The following EPB41L2 variants were observed in gnomAD, a reference collection of about 807,000 sequenced individuals.
EPB41L2 encodes the protein band 4.1-like protein 2.
EPB41L2 carries 43 observed loss-of-function variants against 113.0 expected under a neutral mutation model. The ratio of observed to expected loss-of-function variants is 0.38; its 90% CI spans 0.30 to 0.49. The LOEUF is 0.49. EPB41L2 is among the 20% of genes least tolerant of loss of function. The pLI, the probability that EPB41L2 is intolerant of heterozygous loss-of-function variation, is 0.95. For synonymous variants in EPB41L2, 442 were observed against 436.7 expected (o/e 1.01, Z -0.15); for missense variants, 1,147 against 1,223.4 (o/e 0.94, Z 0.93).
chr6:130,890,312 A>G lies in EPB41L2; in HGVS notation c.1642T>C (p.Ser548Pro). The G allele has an allele frequency of 6.2e-7, 1 of 1,611,290 alleles. No homozygotes were observed. Among genetic ancestry groups the G allele is most frequent in the Non-Finnish European group, 8.5e-7 (1 of 1,178,982 alleles). Residue 548 changes from serine (S) to proline (P), a missense_variant, in exon 11 of 20, where the codon TCC becomes CCC. Ser to Pro is a moderately conservative substitution (Grantham distance 74). Coordinates refer to ENST00000337057, the MANE Select transcript of EPB41L2 (RefSeq NM_001431.4). ...TGTTTACCTCCATCTAGACTCCTGG[A>G]GACCCGTTTACTAGAAGTGCGCTCA... ...HFERTSSKRVSRSLDGAPIGV... is the reference protein window; with the variant it reads ...HFERTSSKRVPRSLDGAPIGV...
chr6:131,038,985 T>G (rs1793906017), intron 1 of EPB41L2, among the ~76,000 whole-genome samples: 1 of 152,208 alleles, frequency 6.6e-6, no homozygotes, highest in South Asian at 2.1e-4. Flanking sequence ...AACATTTTTT[T>G]TTAAGTGTCA....
intron 1 of EPB41L2, among the ~76,000 whole-genome samples, chr6:131,050,662 G>C (rs970695452): frequency 6.6e-6 from 1 of 152,120 alleles, no homozygotes; most frequent in African/African-American, 2.4e-5. Context: ...CCCTAATTAT[G>C]TCCCACCTAG....
At chr6:130,975,519 TAA>T (rs1460746175) in intron 1 of EPB41L2, among the ~76,000 whole-genome samples, 1 of 152,134 alleles carries the variant, frequency 6.6e-6, no homozygotes, top group East Asian at 1.9e-4. Flanking sequence ...TCAAAAACCT[TAA>T]GAGACACAAA....
At chr6:130,888,665 T>G (rs1046097952) in intron 11 of EPB41L2, among the ~76,000 whole-genome samples, 1 of 152,208 alleles carries the variant, frequency 6.6e-6, no homozygotes, top group African/African-American at 2.4e-5. Flanking sequence ...GGCACTTGTA[T>G]AAATTCTCTG....
intron 1 of EPB41L2, among the ~76,000 whole-genome samples, chr6:130,975,168 C>A (rs1777927880): frequency 6.6e-6 from 1 of 152,046 alleles, no homozygotes; most frequent in South Asian, 2.1e-4. Context: ...CTACAAATGT[C>A]TTAATATTCA....
intron 4 of EPB41L2, among the ~76,000 whole-genome samples, chr6:130,910,017 AG>A (rs1445690366): frequency 2.6e-5 from 4 of 152,214 alleles, no homozygotes; most frequent in African/African-American, 9.6e-5. Context: ...TCACAGAATT[AG>A]AAAAAACTAC....
At chr6:131,009,266 T>C (rs184372920) in intron 1 of EPB41L2, among the ~76,000 whole-genome samples, 46 of 152,292 alleles carry the variant, frequency 3.0e-4, no homozygotes, top group Middle Eastern at 6.8e-3. Flanking sequence ...ACTCATTCAC[T>C]CTCCTGCTGC....
chr6:130,925,089 T>C (rs1583505567), intron 4 of EPB41L2, among the ~76,000 whole-genome samples: 1 of 151,816 alleles, frequency 6.6e-6, no homozygotes, highest in Non-Finnish European at 1.5e-5. Flanking sequence ...TTGAGAGTTG[T>C]CAAAATAAAA....
intron 3 of EPB41L2, among the ~76,000 whole-genome samples, chr6:130,938,944 A>G (rs1809839063): frequency 6.6e-6 from 1 of 152,180 alleles, no homozygotes; most frequent in Non-Finnish European, 1.5e-5. Flanking sequence ...CATTTTTTGT[A>G]TTATAATACT....
intron 1 of EPB41L2, among the ~76,000 whole-genome samples, chr6:131,022,556 C>T (rs2151068): frequency 0.15 from 22,825 of 152,162 alleles, 2,341 homozygotes; most frequent in East Asian, 0.43. Flanking sequence ...TATCTGCTGT[C>T]CAAGTCATTT....
chr6:130,960,471 G>A (rs888620941), intron 1 of EPB41L2, among the ~76,000 whole-genome samples: 11 of 152,104 alleles, frequency 7.2e-5, no homozygotes, highest in Admixed American at 3.9e-4. Context: ...GAAGAGCACC[G>A]ACAAAACCAT....
At chr6:130,891,800 G>A (rs4897471) in intron 10 of EPB41L2, among the ~76,000 whole-genome samples, 63,065 of 151,942 alleles carry the variant, frequency 0.42, 15,462 homozygotes, top group Non-Finnish European at 0.52. Flanking sequence ...CTAGCTGATT[G>A]GCTATCAATT....
intron 19 of EPB41L2, among the ~76,000 whole-genome samples, chr6:130,844,220 A>G (rs73631092): frequency 0.011 from 1,737 of 152,342 alleles, 46 homozygotes; most frequent in African/African-American, 0.039. Context: ...TGAACATTCA[A>G]TTACCACAGA....
At chr6:130,869,538 G>A in intron 15 of EPB41L2, 25 bp downstream of exon 15, 1 of 1,601,940 alleles carries the variant, frequency 6.2e-7, no homozygotes. Flanking sequence ...CTAGAGTTTG[G>A]CTCCCACCTG....
chr6:130,859,767 ACAT>A, intron 18 of EPB41L2, among the ~76,000 whole-genome samples: 1 of 150,402 alleles, frequency 6.6e-6, no homozygotes, highest in East Asian at 2.0e-4. Flanking sequence ...AAAAAAAAAG[ACAT>A]CATTTTCATA....
intron 1 of EPB41L2, among the ~76,000 whole-genome samples, chr6:130,969,422 ACTGTT>A (rs1776207518): frequency 6.6e-6 from 1 of 152,154 alleles, no homozygotes; most frequent in Non-Finnish European, 1.5e-5. Flanking sequence ...AGACTGCTAG[ACTGTT>A]AGATTATATA....
intron 1 of EPB41L2, among the ~76,000 whole-genome samples, chr6:131,035,420 A>G (rs1356777252): frequency 6.6e-6 from 1 of 152,048 alleles, no homozygotes; most frequent in Non-Finnish European, 1.5e-5. Flanking sequence ...ATGTAGTCCT[A>G]CTCTTGTACT....
At chr6:131,044,156 G>A (rs1194042360) in intron 1 of EPB41L2, among the ~76,000 whole-genome samples, 1 of 151,560 alleles carries the variant, frequency 6.6e-6, no homozygotes, top group Non-Finnish European at 1.5e-5. Flanking sequence ...CAAGTAGCTG[G>A]GACCACAGGC....
At chr6:131,055,530 A>G (rs1291175018) in intron 1 of EPB41L2, among the ~76,000 whole-genome samples, 1 of 152,212 alleles carries the variant, frequency 6.6e-6, no homozygotes, top group African/African-American at 2.4e-5. Flanking sequence ...CCAGTCAGGA[A>G]AGCAATCCTG....
Sources: allele counts gnomAD v4.1 joint callset (sites outside exome capture counted in the v4.1 genomes callset), GRCh38; gene constraint gnomAD v4.1.1; transcripts MANE v1.5; gene names NCBI Gene and HGNC (gene_info 2026-07-23, HGNC 2026-07-21).